BNIP2: variants seen among roughly 807,000 people sequenced by gnomAD.
BNIP2 encodes the protein BCL2 interacting protein 2, also known as BCL2/adenovirus E1B 19 kDa protein-interacting protein 2.
A neutral mutation model predicts 43.4 loss-of-function variants in BNIP2; 36 were observed. The ratio of observed to expected loss-of-function variants is 0.83; its 90% CI spans 0.64 to 1.10. The LOEUF is 1.10. Among genes scored for constraint, BNIP2 ranks in the 50% least tolerant of loss-of-function variants. The pLI is 0.00. For synonymous variants in BNIP2, 146 were observed against 121.0 expected (o/e 1.21, Z -1.35); for missense variants, 417 against 374.1 (o/e 1.11, Z -0.95).
rs1257580622 is a variant in BNIP2 at position 59,680,262 on chromosome 15, T to G, written c.97A>C (p.Thr33Pro). The change falls in exon 3 of 10, where the codon ACT (threonine) becomes CCT (proline). Residue 33 changes from threonine (T) to proline (P), a missense_variant. Thr to Pro is a conservative substitution (Grantham distance 38, BLOSUM62 -1). Transcript: ENST00000607373. Reference protein sequence around the residue: ...DSIEADILAITGPEDQPGSLE... With the variant: ...DSIEADILAIPGPEDQPGSLE... ...TTACCAGGCTGGTCCTCTGGTCCAGTTATAGCTAGTATATCTGCTTCAATA... is the reference window on the plus strand; with the variant it reads ...TTACCAGGCTGGTCCTCTGGTCCAGGTATAGCTAGTATATCTGCTTCAATA... 2.5e-6 allele frequency: 4 copies of G among 1,602,000 alleles called. No individual in the cohort carries two copies. The highest frequency in any genetic ancestry group is 3.4e-6 in the Non-Finnish European group (4 of 1,173,126).
chr15:59,672,519 A>G, intron 6 of BNIP2, 118 bp downstream of exon 6: 1 of 695,426 alleles, frequency 1.4e-6, no homozygotes, highest in Admixed American at 2.9e-5. Context: ...TGATCTGCCC[A>G]CTTCAGTCTC....
At chr15:59,686,879 T>C (rs1894049990) in intron 1 of BNIP2, among the ~76,000 whole-genome samples, 1 of 151,674 alleles carries the variant, frequency 6.6e-6, no homozygotes, top group Non-Finnish European at 1.5e-5. Context: ...TAGCCAGGAG[T>C]GGTGGCACTG....
intron 1 of BNIP2, among the ~76,000 whole-genome samples, chr15:59,686,877 A>T (rs909306065): frequency 5.3e-5 from 8 of 152,092 alleles, no homozygotes; most frequent in Admixed American, 2.6e-4. Flanking sequence ...ATTAGCCAGG[A>T]GTGGTGGCAC....
rs6151516 is a variant in BNIP2 at position 59,677,621 on chromosome 15, G to A, written c.472+290C>T. Among the ~76,000 whole-genome samples the A allele has an allele frequency of 5.6e-3, 846 of 152,252 alleles. 37 individuals are homozygous for A. Among genetic ancestry groups the A allele is most frequent in the Admixed American group, 0.052 (793 of 15,302 alleles). ...AGAACATTGGGAAATTGCTAAGCAT[G>A]TTCAGGTTTACTTTGTTGATGTTTG... On this transcript the variant is annotated intron_variant, in intron 5 of 9. Transcript: ENST00000607373.
In BNIP2 at chr15:59,671,334, T is replaced by G. The variant is rs1430273867; in HGVS notation, c.576-20A>C. On this transcript the variant is annotated intron_variant, in intron 6 of 9. Transcript: ENST00000607373. ...ACATATCTGTAAAAAACAAATTAAGTTTAAGCCTTAAAAATCACTGTGCAT... is the reference window on the plus strand; with the variant it reads ...ACATATCTGTAAAAAACAAATTAAGGTTAAGCCTTAAAAATCACTGTGCAT... The G allele has an allele frequency of 1.3e-6, 2 of 1,567,386 alleles. No homozygotes were observed. The highest frequency in any genetic ancestry group is 1.7e-6 in the Non-Finnish European group (2 of 1,154,726).
At chr15:59,668,705 G>A in intron 9 of BNIP2, 187 bp downstream of exon 9, 1 of 509,012 alleles carries the variant, frequency 2.0e-6, no homozygotes, top group Non-Finnish European at 3.5e-6. Flanking sequence ...TGAAGAAAAT[G>A]CTAACTTAGG....
intron 9 of BNIP2, chr15:59,668,151 G>A: frequency 8.0e-7 from 1 of 1,244,964 alleles, no homozygotes; most frequent in Non-Finnish European, 1.1e-6. Flanking sequence ...TTGTAGGGAA[G>A]AGTTATTTCA....
rs750727615 is a variant in BNIP2, at chr15:59,678,028, T to C, written c.355A>G (p.Thr119Ala). 2 of 1,613,962 alleles carry C rather than the reference T, an allele frequency of 1.2e-6. No individual in the cohort carries two copies. Among genetic ancestry groups the C allele is most frequent in the South Asian group, 1.1e-5 (1 of 91,076 alleles). ...CCATCTTCTTTTTCCTCTGCTGCTG[T>C]GTATTCAGTAATTGAGCCTTTCCTA... ...VIRKGSITEY[T>A]AAEEKEDGRR... The change falls in exon 5 of 10, where the codon ACA (threonine) becomes GCA (alanine). Residue 119 changes from threonine to alanine, a missense_variant. Transcript: ENST00000607373.
intron 6 of BNIP2, among the ~76,000 whole-genome samples, chr15:59,671,941 T>C (rs1346084557): frequency 1.3e-5 from 2 of 152,042 alleles, no homozygotes; most frequent in African/African-American, 4.8e-5. Flanking sequence ...CAGGATGTGG[T>C]GACATGTGCC....
intron 5 of BNIP2, among the ~76,000 whole-genome samples, chr15:59,673,268 G>A (rs1467330405): frequency 2.0e-5 from 3 of 151,778 alleles, no homozygotes; most frequent in African/African-American, 4.8e-5. Context: ...GCACACCACC[G>A]TGCCCGGCTA....
rs185658195 is a variant in BNIP2 at position 59,669,220 on chromosome 15, C to G, written c.794+56G>C. On this transcript the variant is annotated intron_variant, in intron 8 of 9. Transcript: ENST00000607373. ...AGTATGTATAGTTATTATGTGTTAA[C>G]TAAAAATAAATAAATAAAAAAAATA... The G allele has an allele frequency of 7.1e-6, 9 of 1,269,622 alleles. No individual in the cohort carries two copies. In the Admixed American group the frequency reaches 2.4e-4, roughly 34 times the overall value. 78.6% of individuals were successfully genotyped at this position (1,269,622 alleles called of 1,614,324 possible).
chr15:59,677,944 T>G lies in BNIP2; in HGVS notation c.439A>C (p.Ile147Leu). ...CTGATAACTTTTTTATAGGGTTCAA[T>G]TGCCTTCATATCAACCCTGTGGTCC... ...EQDHRVDMKAIEPYKKVISHG... is the reference protein window; with the variant it reads ...EQDHRVDMKALEPYKKVISHG... The change falls in exon 5 of 10, where the codon ATT (isoleucine) becomes CTT (leucine). Residue 147 changes from isoleucine (I) to leucine (L), a missense_variant. Ile to Leu is a conservative substitution (Grantham distance 5, BLOSUM62 2). Coordinates refer to ENST00000607373, the MANE Select transcript of BNIP2 (RefSeq NM_004330.4). The G allele has an allele frequency of 1.9e-6, 3 of 1,613,090 alleles. No individual in the cohort carries two copies. The South Asian group carries it at 3.3e-5, about 18-fold the overall frequency.
intron 1 of BNIP2, among the ~76,000 whole-genome samples, chr15:59,683,634 C>T (rs565962237): frequency 4.7e-4 from 71 of 152,230 alleles, no homozygotes; most frequent in African/African-American, 1.7e-3. Flanking sequence ...CTGGCCAACA[C>T]GGTGAAACCC....
chr15:59,677,132 G>C, intron 5 of BNIP2: 1 of 1,601,434 alleles, frequency 6.2e-7, no homozygotes, highest in Non-Finnish European at 8.6e-7. Context: ...TCATCAATGA[G>C]GCTATTTACA....
chr15:59,686,504 G>A (rs746696021), intron 1 of BNIP2, among the ~76,000 whole-genome samples: 7 of 152,004 alleles, frequency 4.6e-5, no homozygotes, highest in Non-Finnish European at 1.0e-4. Context: ...CCGTTTATGC[G>A]GAAATCAATT....
Position 59,668,964 on chromosome 15 carries a change from T to C in BNIP2, c.821A>G (p.Tyr274Cys), listed in dbSNP as rs1317971063. 6.2e-7 allele frequency: 1 copy of C among 1,613,564 alleles called. No homozygotes were observed. Among genetic ancestry groups the C allele is most frequent in the East Asian group, 2.2e-5 (1 of 44,828 alleles). The change falls in exon 9 of 10, where the codon TAC (tyrosine) becomes TGC (cysteine). Residue 274 changes from tyrosine (Y) to cysteine (C), a missense_variant. Tyr to Cys is a radical substitution (Grantham distance 194, BLOSUM62 -2). Coordinates refer to ENST00000607373, the MANE Select transcript of BNIP2 (RefSeq NM_004330.4). ...TGCTAGTTCTGCCAAATTAAACACG[T>C]ATCTAATTTTTTGGCTGAATTTCGA... ...ISSKFSQKIR[Y>C]VFNLAELAEL...
chr15:59,682,923 T>C (rs1300530231), intron 1 of BNIP2, among the ~76,000 whole-genome samples: 6 of 152,212 alleles, frequency 3.9e-5, no homozygotes, highest in African/African-American at 7.2e-5. Context: ...CCGTAAATAA[T>C]AGTAAATCAA....
intron 8 of BNIP2, 63 bp downstream of exon 8, chr15:59,669,213 G>A: frequency 1.7e-6 from 2 of 1,186,484 alleles, no homozygotes; most frequent in Non-Finnish European, 1.2e-6. Context: ...TAGTTATTAT[G>A]TGTTAACTAA....
At chr15:59,686,885 CACT>C (rs1894050427) in intron 1 of BNIP2, among the ~76,000 whole-genome samples, 3 of 152,132 alleles carry the variant, frequency 2.0e-5, no homozygotes, top group South Asian at 4.1e-4. Context: ...GGAGTGGTGG[CACT>C]GGCCTGTAAT....
Sources: allele counts gnomAD v4.1 joint callset (sites outside exome capture counted in the v4.1 genomes callset), GRCh38; gene constraint gnomAD v4.1.1; transcripts MANE v1.5; gene names NCBI Gene and HGNC (gene_info 2026-07-23, HGNC 2026-07-21).